THEMIS: variants seen among roughly 807,000 people sequenced by gnomAD.
The protein encoded by THEMIS is thymocyte selection associated.
THEMIS carries 37 observed loss-of-function variants against 52.6 expected under a neutral mutation model. The observed-to-expected ratio is 0.70, with a 90% CI of 0.54 to 0.93. THEMIS has a LOEUF of 0.93. Among genes scored for constraint, THEMIS ranks in the 40% least tolerant of loss-of-function variants. The pLI, the probability that THEMIS is intolerant of heterozygous loss-of-function variation, is 0.00. For synonymous variants in THEMIS, 292 were observed against 272.7 expected (o/e 1.07, Z -0.70); for missense variants, 808 against 763.1 (o/e 1.06, Z -0.69).
In THEMIS at chr6:127,755,861, T is replaced by A. The variant is rs1268428477; in HGVS notation, c.1759-36038A>T. Among the ~76,000 whole-genome samples, 5 of 152,018 alleles carry A rather than the reference T, an allele frequency of 3.3e-5. No homozygotes were observed. In the South Asian group the frequency reaches 1.0e-3, roughly 32 times the overall value. ...GGCCAAAATGGAGAAACCCTGTCTC[T>A]ACTAAAAATACAAAAATTAGCCCAG... On this transcript the variant is annotated intron_variant, in intron 4 of 5. Coordinates refer to ENST00000368248, the MANE Select transcript of THEMIS (RefSeq NM_001010923.3).
At chr6:127,738,301 C>T (rs1440312738) in intron 4 of THEMIS, among the ~76,000 whole-genome samples, 2 of 151,996 alleles carry the variant, frequency 1.3e-5, no homozygotes, top group Admixed American at 1.3e-4. Flanking sequence ...AATAATGTAG[C>T]ATATGTGGAT....
chr6:127,828,256 G>A (rs1391054738), intron 3 of THEMIS, among the ~76,000 whole-genome samples: 2 of 152,096 alleles, frequency 1.3e-5, no homozygotes, highest in South Asian at 4.1e-4. Flanking sequence ...ATTTTAAAAT[G>A]AGAAAATACT....
intron 1 of THEMIS, among the ~76,000 whole-genome samples, chr6:127,888,573 G>T (rs1780713403): frequency 6.6e-6 from 1 of 151,822 alleles, no homozygotes; most frequent in Admixed American, 6.6e-5. Context: ...TCTCTGTTTG[G>T]TGGCATTATG....
At chr6:127,757,650 A>T (rs116918298) in intron 4 of THEMIS, among the ~76,000 whole-genome samples, 22,785 of 151,486 alleles carry the variant, frequency 0.15, 1,990 homozygotes, top group African/African-American at 0.24. Context: ...GCCCGGCTAG[A>T]TTTTCGTATT....
chr6:127,712,441 A>C (rs1428369566), intron 5 of THEMIS, among the ~76,000 whole-genome samples: 1 of 151,944 alleles, frequency 6.6e-6, no homozygotes, highest in Non-Finnish European at 1.5e-5. Context: ...GAAATCTCAA[A>C]ATGTGCAAGA....
intron 4 of THEMIS, among the ~76,000 whole-genome samples, chr6:127,792,207 T>C (rs772930241): frequency 6.6e-6 from 1 of 152,188 alleles, no homozygotes; most frequent in Non-Finnish European, 1.5e-5. Context: ...GCTCTGTCAA[T>C]GATAGAAACA....
At position 127,819,806 on chromosome 6, in the gene THEMIS, G is replaced by T. The variant is rs191238211; in HGVS notation, c.710-5875C>A. On this transcript the variant is annotated intron_variant, in intron 3 of 5. Coordinates refer to ENST00000368248, the MANE Select transcript of THEMIS (RefSeq NM_001010923.3). Reference sequence around the variant, plus strand: ...TTCTAAAAAAATTCTTCAGAGAAAAGAAAAATGTTAAAGGTAGGAAACTCA... The same window carrying T: ...TTCTAAAAAAATTCTTCAGAGAAAATAAAAATGTTAAAGGTAGGAAACTCA... Among the ~76,000 whole-genome samples the T allele has an allele frequency of 1.7e-4, 26 of 152,238 alleles. No individual in the cohort carries two copies. In the East Asian group the frequency reaches 3.3e-3, roughly 19 times the overall value.
intron 1 of THEMIS, among the ~76,000 whole-genome samples, chr6:127,856,850 T>C (rs984095594): frequency 8.6e-5 from 13 of 152,024 alleles, no homozygotes; most frequent in Non-Finnish European, 1.6e-4. Context: ...TTTCCCCCAA[T>C]TGACTCTGAA....
At chr6:127,874,915 A>G (rs951612609) in intron 1 of THEMIS, among the ~76,000 whole-genome samples, 5 of 152,240 alleles carry the variant, frequency 3.3e-5, no homozygotes, top group African/African-American at 9.6e-5. Flanking sequence ...CTGGCCGCAC[A>G]GCAGGAGGTG....
At chr6:127,873,950 G>A (rs1414073117) in intron 1 of THEMIS, among the ~76,000 whole-genome samples, 1 of 152,226 alleles carries the variant, frequency 6.6e-6, no homozygotes, top group African/African-American at 2.4e-5. Flanking sequence ...CATGGCTGCA[G>A]ACCTCAATCT....
At chr6:127,739,252 A>T (rs142094673) in intron 4 of THEMIS, among the ~76,000 whole-genome samples, 1 of 152,330 alleles carries the variant, frequency 6.6e-6, no homozygotes, top group Non-Finnish European at 1.5e-5. Context: ...TCAGAAAGTG[A>T]ATAAGAAGCC....
chr6:127,797,369 G>A (rs1777364648), intron 4 of THEMIS, among the ~76,000 whole-genome samples: 1 of 152,088 alleles, frequency 6.6e-6, no homozygotes, highest in African/African-American at 2.4e-5. Flanking sequence ...ACCACCCTCA[G>A]TGCTTCTACT....
chr6:127,901,179 T>C (rs540434434), upstream of THEMIS: 2 of 547,270 alleles, frequency 3.7e-6, no homozygotes, highest in Admixed American at 3.2e-5. Context: ...CCTTCTGACA[T>C]TGAAGTTGAA....
At chr6:127,716,694 G>T (rs1201764717) in intron 5 of THEMIS, among the ~76,000 whole-genome samples, 1 of 151,912 alleles carries the variant, frequency 6.6e-6, no homozygotes. Flanking sequence ...TCAACCCAGG[G>T]AACTGGATGC....
chr6:127,730,455 AAGAAAGAAAG>A (rs1196530842), intron 4 of THEMIS, among the ~76,000 whole-genome samples: 2 of 150,208 alleles, frequency 1.3e-5, no homozygotes, highest in Non-Finnish European at 1.5e-5. Flanking sequence ...AAACGAAAGA[AAGAAAGAAAG>A]AGAAAGAGAC....
intron 4 of THEMIS, among the ~76,000 whole-genome samples, chr6:127,809,640 G>A (rs1327134965): frequency 6.6e-6 from 1 of 151,984 alleles, no homozygotes. Context: ...CTCAACCAAA[G>A]CAGGGATTCC....
intron 4 of THEMIS, among the ~76,000 whole-genome samples, chr6:127,735,627 A>G (rs905672292): frequency 2.6e-5 from 4 of 152,210 alleles, no homozygotes; most frequent in African/African-American, 9.6e-5. Context: ...TGACACTGCG[A>G]TCAAGAAGCC....
chr6:127,699,980 G>T, the THEMIS span, among the ~76,000 whole-genome samples: 1 of 151,672 alleles, frequency 6.6e-6, no homozygotes, highest in Admixed American at 6.6e-5. Flanking sequence ...ATTAAGAACT[G>T]TGTTTTAACA....
chr6:127,725,449 T>C (rs1774509430), intron 4 of THEMIS, among the ~76,000 whole-genome samples: 1 of 151,986 alleles, frequency 6.6e-6, no homozygotes, highest in Non-Finnish European at 1.5e-5. Context: ...TGTGTGTGTG[T>C]CTGTGTGTGT....
Sources: allele counts gnomAD v4.1 joint callset (sites outside exome capture counted in the v4.1 genomes callset), GRCh38; gene constraint gnomAD v4.1.1; transcripts MANE v1.5; gene names NCBI Gene and HGNC (gene_info 2026-07-23, HGNC 2026-07-21).